Variants in ESRP1 observed in about 807,000 individuals in gnomAD.
The protein encoded by ESRP1 is RNA-binding motif protein 35A.
A neutral mutation model predicts 81.7 loss-of-function variants in ESRP1; 33 were observed. That is an observed-to-expected ratio of 0.40 (90% CI 0.31 to 0.54). The LOEUF (loss-of-function observed/expected upper bound fraction) is 0.54, where lower values mean the gene tolerates loss of function less well. Ranked by LOEUF, ESRP1 falls within the 20% of genes least tolerant of loss-of-function variation. The pLI is 0.41. For missense variants in ESRP1, 672 were observed against 833.1 expected, an observed-to-expected ratio of 0.81 and a Z score of 2.38; for synonymous variants, 320 against 303.3, an observed-to-expected ratio of 1.06 and a Z score of -0.57.
intron 4 of ESRP1, among the ~76,000 whole-genome samples, chr8:94,657,540 CTT>C (rs1196031970): frequency 1.3e-5 from 2 of 148,720 alleles, no homozygotes; most frequent in African/African-American, 2.5e-5. Flanking sequence ...GGTTGGGTGA[CTT>C]TTACAAGTTG....
intron 4 of ESRP1, among the ~76,000 whole-genome samples, chr8:94,657,744 T>C (rs539849835): frequency 1.9e-4 from 29 of 152,354 alleles, no homozygotes; most frequent in African/African-American, 6.7e-4. Context: ...CAGGCAGGAA[T>C]GCTTTACATT....
At position 94,641,304 on chromosome 8, in the gene ESRP1, T is replaced by TCCC; in HGVS notation, c.-13_-11dup. The stretch of plus-strand genomic sequence containing the variant: ...CGCCTCCCGACCCCCCCTCTCCCCC[T>TCCC]CCCCACCTATCGTCATGACGGCCTC... On this transcript the variant is annotated 5_prime_UTR_variant, in exon 1 of 16. Coordinates refer to ENST00000433389, the MANE Select transcript of ESRP1 (RefSeq NM_017697.4). 1 of 846,436 alleles carries TCCC rather than the reference T, an allele frequency of 1.2e-6. No individual in the cohort carries two copies. Among genetic ancestry groups the TCCC allele is most frequent in the Admixed American group, 2.1e-5 (1 of 48,430 alleles). The allele number at this position is 846,436 out of a possible 1,614,324, so 52.4% of individuals were successfully genotyped here. A position where few individuals can be genotyped will look rare whatever the true frequency, so the allele number is the denominator to read the frequency against.
At chr8:94,644,548 G>A (rs1817753551) in intron 3 of ESRP1, among the ~76,000 whole-genome samples, 1 of 152,026 alleles carries the variant, frequency 6.6e-6, no homozygotes, top group African/African-American at 2.4e-5. Context: ...TAGACTAGTC[G>A]CTACATCCTT....
At chr8:94,677,176 TATTC>T (rs1276731647) in intron 12 of ESRP1, among the ~76,000 whole-genome samples, 9 of 152,208 alleles carry the variant, frequency 5.9e-5, no homozygotes, top group Non-Finnish European at 1.2e-4. Flanking sequence ...CTTGCTGTCT[TATTC>T]ATCTCCATGG....
At chr8:94,692,931 T>C in intron 14 of ESRP1, 104 bp downstream of exon 14, 1 of 1,253,830 alleles carries the variant, frequency 8.0e-7, no homozygotes, top group South Asian at 1.5e-5. Flanking sequence ...AACTCGTGTG[T>C]GTATATATGC....
intron 9 of ESRP1, 58 bp downstream of exon 9, chr8:94,665,254 C>G: frequency 6.5e-7 from 1 of 1,547,448 alleles, no homozygotes; most frequent in Non-Finnish European, 8.8e-7. Flanking sequence ...ATTTTGCATA[C>G]TTAAATTTAG....
At chr8:94,667,068 G>GGTGTGTGTGT (rs1163646804) in intron 9 of ESRP1, among the ~76,000 whole-genome samples, 1,830 of 144,296 alleles carry the variant, frequency 0.013, 27 homozygotes, top group East Asian at 0.034. Flanking sequence ...CCAGGAGAGG[G>GGTGTGTGTGT]GTGTGTGTGT....
Position 94,671,641 on chromosome 8 carries a change from T to C in ESRP1, c.1422T>C (p.Thr474=). 2 of 1,613,904 alleles carry C rather than the reference T, an allele frequency of 1.2e-6. No homozygotes were observed. Among genetic ancestry groups the C allele is most frequent in the Admixed American group, 3.3e-5 (2 of 60,000 alleles). Residue 474 remains threonine, a synonymous_variant, in exon 11 of 16, where the codon ACT becomes ACC. Transcript: ENST00000433389. ...GGGAGTTCGCCACAGATATTCGTAC[T>C]CATGGGGTTCACATGGTTTTGAATC... is the stretch of plus-strand genomic sequence containing the variant. ...FLGEFATDIR[T]HGVHMVLNHQ...
rs898347846 is a variant in ESRP1, at chr8:94,656,171, C to G, written c.491-6101C>G. ...GGATCGCACCTATGAATAGCCACCA[C>G]ACTCCAGCCTAGGCTACATAGCAGG... is the stretch of plus-strand genomic sequence containing the variant. On this transcript the variant is annotated intron_variant, in intron 4 of 15. Coordinates refer to ENST00000433389, the MANE Select transcript of ESRP1 (RefSeq NM_017697.4). The G allele has an allele frequency of 2.7e-5, 4 of 148,164 alleles. No homozygotes were observed. In the Admixed American group the frequency reaches 2.7e-4, roughly 10 times the overall value. The allele number at this position is 148,164 out of a possible 1,614,324, so 9.2% of individuals were successfully genotyped here.
At chr8:94,662,614 T>C (rs1818806254) in intron 6 of ESRP1, 59 bp downstream of exon 6, 9 of 1,389,388 alleles carry the variant, frequency 6.5e-6, no homozygotes, top group Middle Eastern at 2.3e-4. Context: ...TTTTGTCTGT[T>C]TGTTTGTTTT....
chr8:94,646,767 A>T (rs1817878381), intron 4 of ESRP1, among the ~76,000 whole-genome samples: 1 of 152,218 alleles, frequency 6.6e-6, no homozygotes, highest in African/African-American at 2.4e-5. Context: ...TGATTATAAT[A>T]AGCCATCTTT....
chr8:94,642,801 C>A (rs539743415), intron 2 of ESRP1, among the ~76,000 whole-genome samples: 3 of 152,144 alleles, frequency 2.0e-5, no homozygotes, highest in Non-Finnish European at 4.4e-5. Flanking sequence ...GAATGCTCTG[C>A]GTTCTCACGA....
At chr8:94,672,046 T>C (rs574184777) in intron 11 of ESRP1, among the ~76,000 whole-genome samples, 58 of 152,302 alleles carry the variant, frequency 3.8e-4, no homozygotes, top group African/African-American at 1.4e-3. Flanking sequence ...GCATGACATA[T>C]ATTATCAGTC....
chr8:94,642,649 A>G (rs548342459), intron 2 of ESRP1, among the ~76,000 whole-genome samples: 1 of 152,310 alleles, frequency 6.6e-6, no homozygotes, highest in Non-Finnish European at 1.5e-5. Flanking sequence ...TCAGGTCCGA[A>G]CGTGCAAGGC....
intron 12 of ESRP1, among the ~76,000 whole-genome samples, chr8:94,676,792 C>A (rs747633182): frequency 2.6e-5 from 4 of 151,808 alleles, no homozygotes; most frequent in Non-Finnish European, 5.9e-5. Context: ...GCCACCACAC[C>A]CAGCCATGTG....
chr8:94,665,958 A>C (rs1818996602), intron 9 of ESRP1, among the ~76,000 whole-genome samples: 1 of 152,200 alleles, frequency 6.6e-6, no homozygotes. Context: ...ATGTGTATTT[A>C]CAGTAATATG....
At chr8:94,647,385 A>T (rs1383926332) in intron 4 of ESRP1, among the ~76,000 whole-genome samples, 1 of 152,220 alleles carries the variant, frequency 6.6e-6, no homozygotes, top group Non-Finnish European at 1.5e-5. Context: ...TGTATTAGAC[A>T]GCTCAAGCTT....
intron 1 of ESRP1, 115 bp downstream of exon 1, chr8:94,641,565 G>T: frequency 6.9e-7 from 1 of 1,449,744 alleles, no homozygotes; most frequent in African/African-American, 1.4e-5. Context: ...TTGCCCACTT[G>T]TGAGTCTGGA....
chr8:94,646,406 G>T (rs1166288309), intron 4 of ESRP1, 124 bp downstream of exon 4: 2 of 590,734 alleles, frequency 3.4e-6, no homozygotes, highest in Non-Finnish European at 2.9e-6. Flanking sequence ...TCCAAAATTT[G>T]TTTACTCTGC....
Sources: allele counts gnomAD v4.1 joint callset (sites outside exome capture counted in the v4.1 genomes callset), GRCh38; gene constraint gnomAD v4.1.1; transcripts MANE v1.5; gene names NCBI Gene and HGNC (gene_info 2026-07-23, HGNC 2026-07-21).